The following RBFOX1 variants were observed in gnomAD, a reference collection of about 807,000 sequenced individuals.
The protein encoded by RBFOX1 is RNA binding fox-1 homolog 1.
RBFOX1 carries 8 observed loss-of-function variants against 57.7 expected under a neutral mutation model. The observed-to-expected ratio is 0.14, with a 90% CI of 0.08 to 0.25. RBFOX1 has a LOEUF of 0.25. Among genes scored for constraint, RBFOX1 ranks in the 10% least tolerant of loss-of-function variants. RBFOX1 has a pLI of 1.00. For synonymous variants in RBFOX1, 326 were observed against 222.4 expected (o/e 1.47, Z -4.15); for missense variants, 611 against 548.5 (o/e 1.11, Z -1.14).
chr16:5,489,257 G>T (rs924028850), intron 2 of RBFOX1, among the ~76,000 whole-genome samples: 1 of 152,198 alleles, frequency 6.6e-6, no homozygotes, highest in Non-Finnish European at 1.5e-5. Flanking sequence ...GGCTAACCCT[G>T]TGCTTACACA....
At chr16:5,805,521 A>C (rs1267535654) in intron 3 of RBFOX1, among the ~76,000 whole-genome samples, 2 of 152,260 alleles carry the variant, frequency 1.3e-5, no homozygotes, top group African/African-American at 4.8e-5. Flanking sequence ...TGGCCCTGCC[A>C]GAAACAGAAG....
intron 3 of RBFOX1, among the ~76,000 whole-genome samples, chr16:5,620,410 C>T (rs946872320): frequency 8.5e-5 from 13 of 152,124 alleles, no homozygotes; most frequent in African/African-American, 2.7e-4. Flanking sequence ...CTCAGTGCTG[C>T]GTTGGTTGGC....
At chr16:6,016,934 A>G (rs112604299), upstream of RBFOX1, among the ~76,000 whole-genome samples, 2 of 152,300 alleles carry the variant, frequency 1.3e-5, no homozygotes, top group African/African-American at 4.8e-5. Flanking sequence ...ATTGTAATGG[A>G]TGCCTCTCAC....
chr16:7,034,968 C>A (rs897762178), intron 3 of RBFOX1, among the ~76,000 whole-genome samples: 1 of 149,360 alleles, frequency 6.7e-6, no homozygotes, highest in Non-Finnish European at 1.5e-5. Context: ...CATTCCTCAG[C>A]CTCTGAGTAG....
chr16:5,553,090 C>A (rs879926445), intron 2 of RBFOX1, among the ~76,000 whole-genome samples: 2 of 152,120 alleles, frequency 1.3e-5, no homozygotes, highest in Non-Finnish European at 2.9e-5. Flanking sequence ...AATGAGATCA[C>A]TTGGACACAG....
intron 1 of RBFOX1, among the ~76,000 whole-genome samples, chr16:5,356,561 A>G (rs765714980): frequency 6.6e-6 from 1 of 152,138 alleles, no homozygotes; most frequent in African/African-American, 2.4e-5. Flanking sequence ...GCAAGATTTT[A>G]TCTCTCTGTT....
intron 1 of RBFOX1, among the ~76,000 whole-genome samples, chr16:6,153,836 C>G (rs2096819517): frequency 6.6e-6 from 1 of 152,128 alleles, no homozygotes; most frequent in South Asian, 2.1e-4. Flanking sequence ...ATGCCCGGCC[C>G]ATTATATCAT....
At chr16:7,383,292 A>G (rs995913592) in intron 4 of RBFOX1, among the ~76,000 whole-genome samples, 1 of 152,020 alleles carries the variant, frequency 6.6e-6, no homozygotes, top group Non-Finnish European at 1.5e-5. Flanking sequence ...CGTAAAATGC[A>G]ACAACACTAG....
At chr16:6,020,021 C>A in intron 1 of RBFOX1, 29 bp downstream of exon 1, 1 of 1,481,170 alleles carries the variant, frequency 6.8e-7, no homozygotes, top group Non-Finnish European at 9.0e-7. Flanking sequence ...ATTGCCTCTG[C>A]ACCCACCCTG....
chr16:5,820,327 G>A (rs1701864638), intron 3 of RBFOX1, among the ~76,000 whole-genome samples: 1 of 152,172 alleles, frequency 6.6e-6, no homozygotes, highest in Non-Finnish European at 1.5e-5. Context: ...GTTTGCTAAA[G>A]GAATCTTACT....
chr16:6,220,097 C>T (rs1371293120), intron 1 of RBFOX1, among the ~76,000 whole-genome samples: 3 of 151,674 alleles, frequency 2.0e-5, no homozygotes, highest in Non-Finnish European at 4.4e-5. Context: ...TCTATATGTA[C>T]ATATATAAGG....
At chr16:6,801,478 G>A (rs115005734) in intron 3 of RBFOX1, among the ~76,000 whole-genome samples, 1 of 152,070 alleles carries the variant, frequency 6.6e-6, no homozygotes, top group Non-Finnish European at 1.5e-5. Flanking sequence ...AAAGATTATT[G>A]AGCCAGTTTA....
intron 2 of RBFOX1, among the ~76,000 whole-genome samples, chr16:6,548,021 C>T (rs1264907090): frequency 6.6e-6 from 1 of 152,152 alleles, no homozygotes; most frequent in Admixed American, 6.5e-5. Context: ...TATCTATTTT[C>T]TTATTGACAA....
intron 4 of RBFOX1, among the ~76,000 whole-genome samples, chr16:7,503,155 T>C (rs796561918): frequency 1.3e-4 from 20 of 152,344 alleles, no homozygotes; most frequent in African/African-American, 4.6e-4. Flanking sequence ...CCTAATCCCA[T>C]TGGGGAGAGT....
At chr16:6,736,220 A>G (rs914101326) in intron 3 of RBFOX1, among the ~76,000 whole-genome samples, 1 of 151,994 alleles carries the variant, frequency 6.6e-6, no homozygotes, top group Non-Finnish European at 1.5e-5. Context: ...TACAGTTGGT[A>G]TTTGCATACA....
chr16:7,167,081 G>A (rs540656147), intron 4 of RBFOX1, among the ~76,000 whole-genome samples: 53 of 142,666 alleles, frequency 3.7e-4, no homozygotes, highest in Middle Eastern at 3.8e-3. Context: ...CGTCCCCTGG[G>A]TTCAAGCGAT....
chr16:5,552,064 T>C (rs763872320), intron 2 of RBFOX1, among the ~76,000 whole-genome samples: 3 of 152,166 alleles, frequency 2.0e-5, no homozygotes, highest in Admixed American at 1.3e-4. Context: ...AGGATATGCA[T>C]AATAATGAAA....
chr16:6,786,138 C>G (rs1603623552), intron 3 of RBFOX1, among the ~76,000 whole-genome samples: 1 of 152,168 alleles, frequency 6.6e-6, no homozygotes, highest in South Asian at 2.1e-4. Flanking sequence ...TTGGGTCCCC[C>G]TAAATGAATG....
At chr16:5,404,809 A>C (rs2066817216) in intron 1 of RBFOX1, among the ~76,000 whole-genome samples, 1 of 152,244 alleles carries the variant, frequency 6.6e-6, no homozygotes, top group Non-Finnish European at 1.5e-5. Context: ...GAAGTGCTTG[A>C]TAGATTCCAA....
Sources: gnomAD v4.1 joint callset for allele counts (sites outside exome capture counted in the v4.1 genomes callset) on GRCh38, gnomAD v4.1.1 for gene constraint, MANE v1.5 for transcripts, NCBI Gene and HGNC (gene_info 2026-07-23, HGNC 2026-07-21) for gene names.